The following YTHDF2 variants were observed in gnomAD, a reference collection of about 807,000 sequenced individuals.
YTHDF2 encodes YTH N6-methyladenosine RNA binding protein F2, also known as YTH domain-containing family protein 2.
In YTHDF2, 2 loss-of-function variants were observed where a neutral mutation model predicts 50.4. That is an observed-to-expected ratio of 0.04 (90% CI 0.02 to 0.12). YTHDF2 has a LOEUF of 0.12. Ranked by LOEUF, YTHDF2 falls within the 10% of genes least tolerant of loss-of-function variation. The probability of loss-of-function intolerance (pLI) is 1.00; values close to 1 mark genes in which losing one functional copy is unlikely to be tolerated. For synonymous variants in YTHDF2, 217 were observed against 255.6 expected (o/e 0.85, Z 1.44); for missense variants, 483 against 722.6 (o/e 0.67, Z 3.80).
At position 28,737,009 on chromosome 1, in the gene YTHDF2, C is replaced by G. The variant is rs958464424; in HGVS notation, c.-112C>G. Reference sequence around the variant, plus strand: ...TCTCCGCTGCGTCCGCCGAGGCCCCCGAGTGTCAGGGACAAAAGCCTCCGC... The same window carrying G: ...TCTCCGCTGCGTCCGCCGAGGCCCCGGAGTGTCAGGGACAAAAGCCTCCGC... On this transcript the variant is annotated 5_prime_UTR_variant, in exon 1 of 5. Transcript: ENST00000373812. 2.5e-5 allele frequency: 34 copies of G among 1,374,318 alleles called. No individual in the cohort carries two copies. The highest frequency in any genetic ancestry group is 3.2e-5 in the Non-Finnish European group (32 of 1,006,632). 85.1% of individuals were successfully genotyped at this position (1,374,318 alleles called of 1,614,324 possible). A position where few individuals can be genotyped will look rare whatever the true frequency, so the allele number is the denominator to read the frequency against.
chr1:28,742,029 C>G (rs531354137), intron 3 of YTHDF2, among the ~76,000 whole-genome samples: 116 of 148,882 alleles, frequency 7.8e-4, no homozygotes, highest in African/African-American at 2.6e-3. Flanking sequence ...TATAGGAAAT[C>G]ATCTGATGTG....
chr1:28,738,430 T>C, intron 3 of YTHDF2, 92 bp downstream of exon 3: 11 of 1,093,082 alleles, frequency 1.0e-5, no homozygotes, highest in Non-Finnish European at 1.3e-5. Context: ...TGAGGATTCA[T>C]TTTTTTTTCT....
At chr1:28,759,903 C>G (rs557155132) in intron 4 of YTHDF2, among the ~76,000 whole-genome samples, 8 of 152,292 alleles carry the variant, frequency 5.3e-5, no homozygotes, top group African/African-American at 1.7e-4. Context: ...TTGCAGTGAG[C>G]TGAGATTGAG....
In YTHDF2 at chr1:28,743,580, A is replaced by G; in HGVS notation, c.1310A>G (p.His437Arg). 5 of 1,614,210 alleles carry G rather than the reference A, an allele frequency of 3.1e-6. No homozygotes were observed. The highest frequency in any genetic ancestry group is 4.2e-6 in the Non-Finnish European group (5 of 1,180,034). ...TATAATATTTGGTGCAGCACAGAGC[A>G]TGGTAACAAGAGACTGGATGCTGCT... Reference protein sequence around the residue: ...IKYNIWCSTEHGNKRLDAAYR... With the variant: ...IKYNIWCSTERGNKRLDAAYR... Residue 437 changes from histidine to arginine, a missense_variant, in exon 4 of 5, where the codon CAT becomes CGT. Transcript: ENST00000373812. This position sits in a 1 kb window ranked among gnomAD's most constrained non-coding sequence, Gnocchi z 6.9.
upstream of YTHDF2, chr1:28,736,838 G>C (rs925642891): frequency 1.0e-5 from 4 of 384,600 alleles, no homozygotes; most frequent in South Asian, 3.9e-5. Context: ...CAGCGCTCGC[G>C]CCGCGCGCGC....
At chr1:28,739,986 A>T (rs2087751736) in intron 3 of YTHDF2, among the ~76,000 whole-genome samples, 1 of 152,240 alleles carries the variant, frequency 6.6e-6, no homozygotes, top group African/African-American at 2.4e-5. Context: ...GCTGTATGAA[A>T]CATAGTTGGT....
chr1:28,754,963 CAAAAAA>C (rs58411768), intron 4 of YTHDF2, among the ~76,000 whole-genome samples: 5 of 81,456 alleles, frequency 6.1e-5, no homozygotes, highest in African/African-American at 9.1e-5. Context: ...GGTGACAGCT[CAAAAAA>C]AAAAAAAAAA....
In YTHDF2 at chr1:28,743,533, C is replaced by T. The variant is rs756832737; in HGVS notation, c.1263C>T (p.Asp421=). ...RVFIIKSYSE[D]DIHRSIKYNI... is the part of the protein sequence containing the mutation. ...TCATCATTAAGAGCTACTCTGAGGA[C>T]GATATTCACCGTTCCATTAAGTATA... Residue 421 remains aspartate, a synonymous_variant, in exon 4 of 5, where the codon GAC becomes GAT. Coordinates refer to ENST00000373812, the MANE Select transcript of YTHDF2 (RefSeq NM_016258.3). The surrounding 1 kb of genome is among the most constrained non-coding windows in gnomAD (Gnocchi z 6.9). 18 of 1,613,950 alleles carry T rather than the reference C, an allele frequency of 1.1e-5. No individual in the cohort carries two copies. The highest frequency in any genetic ancestry group is 6.7e-5 in the African/African-American group (5 of 74,880).
In YTHDF2 at chr1:28,763,871, G is replaced by T. The variant is rs1209869909; in HGVS notation, c.1717-5058G>T. On this transcript the variant is annotated intron_variant, in intron 4 of 4. Transcript: ENST00000373812. ...TAATTTTTTCAAAGAACCAACTTTT[G>T]TTTTTTTTTTTCCTATTATATATAC... Among the ~76,000 whole-genome samples, 21 of 142,454 alleles carry T rather than the reference G, an allele frequency of 1.5e-4. No homozygotes were observed. In the East Asian group the frequency reaches 1.5e-3, roughly 10 times the overall value. 93.5% of individuals were successfully genotyped at this position (142,454 alleles called of 152,430 possible). A position where few individuals can be genotyped will look rare whatever the true frequency, so the allele number is the denominator to read the frequency against.
chr1:28,742,440 C>G lies in YTHDF2; in HGVS notation c.170C>G (p.Pro57Arg). 1 of 1,588,898 alleles carries G rather than the reference C, an allele frequency of 6.3e-7. No homozygotes were observed. The highest frequency in any genetic ancestry group is 8.5e-7 in the Non-Finnish European group (1 of 1,170,166). Residue 57 changes from proline to arginine, a missense_variant, in exon 4 of 5, where the codon CCC becomes CGC. Transcript: ENST00000373812. ...ACTGCCATGTCAGATTCCTACTTAC[C>G]CAGTTACTACAGTCCCTCCATTGGC... is the stretch of plus-strand genomic sequence containing the variant. ...AYTAMSDSYL[P>R]SYYSPSIGFS... is the part of the protein sequence containing the mutation.
intron 2 of YTHDF2, 66 bp from the exon 3 acceptor site, chr1:28,738,193 T>C: frequency 1.5e-6 from 2 of 1,309,550 alleles, no homozygotes; most frequent in Non-Finnish European, 2.2e-6. Flanking sequence ...GGTTAGCATA[T>C]ATGAACTAAT....
intron 3 of YTHDF2, among the ~76,000 whole-genome samples, chr1:28,741,466 T>C (rs949469408): frequency 2.0e-5 from 3 of 152,106 alleles, no homozygotes; most frequent in Non-Finnish European, 2.9e-5. Flanking sequence ...CCTAGCTAAT[T>C]TTTTGTCTTT....
intron 3 of YTHDF2, 85 bp downstream of exon 3, chr1:28,738,423 G>T (rs923578295): frequency 2.5e-6 from 3 of 1,202,710 alleles, no homozygotes; most frequent in Non-Finnish European, 3.6e-6. Flanking sequence ...CATTTTCTGA[G>T]GATTCATTTT....
At chr1:28,748,087 C>T (rs2087892458) in intron 4 of YTHDF2, among the ~76,000 whole-genome samples, 1 of 150,144 alleles carries the variant, frequency 6.7e-6, no homozygotes, top group Admixed American at 6.6e-5. Flanking sequence ...AAGATGGCGC[C>T]ACTGGACTCC....
intron 4 of YTHDF2, among the ~76,000 whole-genome samples, chr1:28,767,928 C>T (rs1291745438): frequency 2.0e-5 from 3 of 146,696 alleles, no homozygotes; most frequent in Non-Finnish European, 4.5e-5. Context: ...TGAGGCCGGG[C>T]GCGGTGGCTC....
At chr1:28,740,641 G>T (rs950501354) in intron 3 of YTHDF2, among the ~76,000 whole-genome samples, 7 of 152,062 alleles carry the variant, frequency 4.6e-5, no homozygotes, top group African/African-American at 1.7e-4. Context: ...CCTTACCTTT[G>T]TGAGAAATTT....
intron 4 of YTHDF2, among the ~76,000 whole-genome samples, chr1:28,752,820 A>T (rs535034114): frequency 1.1e-4 from 17 of 152,050 alleles, no homozygotes; most frequent in African/African-American, 4.1e-4. Flanking sequence ...AGGTGGGAGG[A>T]TTGCCTGAGC....
At chr1:28,764,762 C>T (rs903715281) in intron 4 of YTHDF2, among the ~76,000 whole-genome samples, 1 of 150,148 alleles carries the variant, frequency 6.7e-6, no homozygotes, top group Non-Finnish European at 1.5e-5. Context: ...ATGCTGGTCT[C>T]GAACTCCTGA....
intron 2 of YTHDF2, 111 bp from the exon 3 acceptor site, chr1:28,738,148 C>T (rs964034265): frequency 2.5e-6 from 2 of 810,312 alleles, no homozygotes; most frequent in African/African-American, 3.5e-5. Context: ...GAAGTTCAAT[C>T]TTACGTGCTT....
Sources: allele counts gnomAD v4.1 joint callset (sites outside exome capture counted in the v4.1 genomes callset), GRCh38; gene constraint gnomAD v4.1.1; non-coding constraint Gnocchi (gnomAD v3.1); transcripts MANE v1.5; gene names NCBI Gene and HGNC (gene_info 2026-07-23, HGNC 2026-07-21).